Variants in RMST observed in about 807,000 individuals in gnomAD.
RMST encodes the protein rhabdomyosarcoma 2 associated transcript, also known as long intergenic non-protein coding RNA 54.
intron 11 of RMST, among the ~76,000 whole-genome samples, chr12:97,537,520 T>G (rs1882163603): frequency 6.6e-6 from 1 of 151,430 alleles, no homozygotes; most frequent in South Asian, 2.1e-4. Flanking sequence ...GAATCTCGCT[T>G]TTTTGCAAAA....
intron 5 of RMST, among the ~76,000 whole-genome samples, chr12:97,481,248 G>A (rs1025128351): frequency 6.6e-5 from 10 of 151,990 alleles, no homozygotes; most frequent in African/African-American, 2.2e-4. Context: ...CATACTTTAT[G>A]TATATTTTAC....
intron 5 of RMST, among the ~76,000 whole-genome samples, chr12:97,473,037 T>A (rs1874115272): frequency 1.3e-5 from 2 of 152,098 alleles, no homozygotes; most frequent in South Asian, 4.1e-4. Context: ...AATTGAATAA[T>A]ATAATAAAAT....
At chr12:97,540,767 A>T (rs1194145183) in intron 11 of RMST, among the ~76,000 whole-genome samples, 1 of 151,664 alleles carries the variant, frequency 6.6e-6, no homozygotes, top group African/African-American at 2.4e-5. Flanking sequence ...CTCAGTAAAT[A>T]ATAACTATAA....
At chr12:97,512,963 G>A (rs1879550424) in intron 10 of RMST, among the ~76,000 whole-genome samples, 1 of 152,230 alleles carries the variant, frequency 6.6e-6, no homozygotes, top group Non-Finnish European at 1.5e-5. Flanking sequence ...GTGAGAAATT[G>A]AGCACAGCAG....
At chr12:97,493,783 CTTGT>C (rs1249995790) in intron 7 of RMST, 2 of 152,178 alleles carry the variant, frequency 1.3e-5, no homozygotes, top group Non-Finnish European at 2.9e-5. Context: ...TAGACACAAA[CTTGT>C]TTGTTTACAT....
intron 11 of RMST, among the ~76,000 whole-genome samples, chr12:97,548,020 C>A (rs535840576): frequency 4.3e-4 from 65 of 152,128 alleles, no homozygotes; most frequent in African/African-American, 1.6e-3. Context: ...AGTAGTTCTA[C>A]ATTTTCTGTT....
chr12:97,471,656 C>T (rs1873932840), intron 5 of RMST, among the ~76,000 whole-genome samples: 1 of 152,184 alleles, frequency 6.6e-6, no homozygotes, highest in Admixed American at 6.6e-5. Context: ...TAATTTCAGG[C>T]ATAAACCTTG....
At chr12:97,493,387 T>C (rs958473529) in intron 7 of RMST, 4 of 152,758 alleles carry the variant, frequency 2.6e-5, no homozygotes, top group Admixed American at 6.5e-5. Flanking sequence ...GAAACTGTAC[T>C]GTAAAAGAAT....
intron 5 of RMST, among the ~76,000 whole-genome samples, chr12:97,470,371 C>T (rs1023881476): frequency 2.6e-5 from 4 of 151,976 alleles, no homozygotes; most frequent in Admixed American, 1.3e-4. Context: ...AGAGCCTCCA[C>T]TGCCTAGCAC....
In RMST at chr12:97,536,458, CATT is replaced by C. The variant is rs1882086012; in HGVS notation, n.1545+5600_1545+5602del. Among the ~76,000 whole-genome samples the C allele has an allele frequency of 3.3e-5, 5 of 151,608 alleles. No homozygotes were observed. In the South Asian group the frequency reaches 1.0e-3, roughly 31 times the overall value. ...CACTTGGTGATTTCATCAACCTTCT[CATT>C]GTTGTCTCTTTTGGTTTGTAAACTC... On this transcript the variant is annotated intron_variant and non_coding_transcript_variant, in intron 11 of 13. Transcript: ENST00000640149.
chr12:97,467,185 A>G (rs1873290652), intron 5 of RMST, among the ~76,000 whole-genome samples: 1 of 152,026 alleles, frequency 6.6e-6, no homozygotes, highest in Non-Finnish European at 1.5e-5. Flanking sequence ...TATCTTCTTT[A>G]TTAAATAGGT....
chr12:97,471,488 C>T (rs1223051111), intron 5 of RMST, among the ~76,000 whole-genome samples: 3 of 152,110 alleles, frequency 2.0e-5, no homozygotes, highest in Admixed American at 6.6e-5. Context: ...TTTCCACAGT[C>T]TGTCTTGTAG....
intron 10 of RMST, among the ~76,000 whole-genome samples, chr12:97,523,886 G>A (rs1234489105): frequency 6.6e-6 from 1 of 151,734 alleles, no homozygotes; most frequent in African/African-American, 2.4e-5. Context: ...GACCATCCTG[G>A]TTAACACGGT....
exon 14 of RMST, chr12:97,565,007 G>T (rs1387123393): frequency 1.3e-5 from 2 of 152,008 alleles, no homozygotes; most frequent in African/African-American, 4.8e-5. Flanking sequence ...TTTTTTCAAT[G>T]AAAATTATAA....
chr12:97,538,778 A>G (rs1001492620), intron 11 of RMST, among the ~76,000 whole-genome samples: 1 of 151,444 alleles, frequency 6.6e-6, no homozygotes, highest in African/African-American at 2.4e-5. Flanking sequence ...GCTAATTTCT[A>G]TCCCCAAAGT....
chr12:97,553,338 C>T (rs1165749644), intron 11 of RMST, among the ~76,000 whole-genome samples: 1 of 152,168 alleles, frequency 6.6e-6, no homozygotes, highest in Non-Finnish European at 1.5e-5. Context: ...TTTTCTTGCT[C>T]ATCTCAGAAC....
intron 10 of RMST, among the ~76,000 whole-genome samples, chr12:97,501,181 G>A (rs1878037492): frequency 6.6e-6 from 1 of 152,140 alleles, no homozygotes. Flanking sequence ...AGTCTTGTAG[G>A]CATGGATTTA....
intron 4 of RMST, among the ~76,000 whole-genome samples, chr12:97,463,449 A>C (rs1414228595): frequency 6.6e-6 from 1 of 152,174 alleles, no homozygotes; most frequent in Admixed American, 6.6e-5. Context: ...TGTTACTGGA[A>C]TCGTCGGAGG....
intron 10 of RMST, among the ~76,000 whole-genome samples, chr12:97,496,209 G>A (rs141915325): frequency 5.9e-5 from 9 of 152,154 alleles, no homozygotes; most frequent in Non-Finnish European, 1.2e-4. Flanking sequence ...CTGATTATAG[G>A]ATGCAAAAAT....
Sources: allele counts gnomAD v4.1 joint callset (sites outside exome capture counted in the v4.1 genomes callset), GRCh38; gene constraint gnomAD v4.1.1; transcripts MANE v1.5; gene names NCBI Gene and HGNC (gene_info 2026-07-23, HGNC 2026-07-21).